COL6A3: variants seen among roughly 807,000 people sequenced by gnomAD.
The protein encoded by COL6A3 is collagen alpha-3(VI) chain.
COL6A3 carries 137 observed loss-of-function variants against 274.1 expected under a neutral mutation model. That is an observed-to-expected ratio of 0.50 (90% CI 0.44 to 0.58). The LOEUF is 0.58. Ranked by LOEUF, COL6A3 falls within the 20% of genes least tolerant of loss-of-function variation. The probability of loss-of-function intolerance (pLI) is 0.00; values close to 1 mark genes in which losing one functional copy is unlikely to be tolerated. For missense variants in COL6A3, 3,950 were observed against 4,124.9 expected (o/e 0.96, Z 1.16); for synonymous variants, 1,650 against 1,650.6 (o/e 1.00, Z 0.01).
At chr2:237,372,418 T>C in intron 8 of COL6A3, 81 bp from the exon 9 acceptor site, 1 of 1,599,030 alleles carries the variant, frequency 6.3e-7, no homozygotes, top group Admixed American at 1.7e-5. Flanking sequence ...CAGTTTGTCA[T>C]GGATTCACAG....
Position 237,407,917 on chromosome 2 carries a change from C to A in COL6A3, c.-31+6036G>T, listed in dbSNP as rs1479969515. 6.6e-6 allele frequency among the ~76,000 whole-genome samples: 1 copy of A among 152,198 alleles called. No individual in the cohort carries two copies. Among genetic ancestry groups the A allele is most frequent in the Non-Finnish European group, 1.5e-5 (1 of 68,038 alleles). On this transcript the variant is annotated intron_variant, in intron 1 of 43. Transcript: ENST00000295550. The surrounding 1 kb of genome is among the most constrained non-coding windows in gnomAD (Gnocchi z 4.3). Reference sequence around the variant, plus strand: ...ATATTGCACAAATGCCCACTCCATTCCAACTCCTTGCCACGTGACGCTGCT... The same window carrying A: ...ATATTGCACAAATGCCCACTCCATTACAACTCCTTGCCACGTGACGCTGCT...
At chr2:237,354,142 G>T (rs2077266287) in intron 24 of COL6A3, among the ~76,000 whole-genome samples, 1 of 151,664 alleles carries the variant, frequency 6.6e-6, no homozygotes, top group African/African-American at 2.4e-5. Context: ...CTCCTGAGTA[G>T]CTGGAATTAC....
intron 31 of COL6A3, among the ~76,000 whole-genome samples, chr2:237,347,385 C>A (rs967952413): frequency 6.6e-6 from 1 of 152,222 alleles, no homozygotes; most frequent in Non-Finnish European, 1.5e-5. Flanking sequence ...GTCTGAGGAG[C>A]CCATGGCCTT....
chr2:237,370,718 C>T (rs1326027624), intron 9 of COL6A3, among the ~76,000 whole-genome samples: 2 of 152,168 alleles, frequency 1.3e-5, no homozygotes, highest in African/African-American at 2.4e-5. Context: ...GGTGTAAATG[C>T]AGCATAGTGG....
chr2:237,328,463 GCATGCACCTTCC>G (rs1156974646), intron 42 of COL6A3: 4 of 152,170 alleles, frequency 2.6e-5, no homozygotes, highest in African/African-American at 9.7e-5. Context: ...CATGTGCGAT[GCATGCACCTTCC>G]CACAAGCAAT....
intron 1 of COL6A3, among the ~76,000 whole-genome samples, chr2:237,409,369 A>G (rs1559296235): frequency 6.6e-6 from 1 of 152,148 alleles, no homozygotes; most frequent in Non-Finnish European, 1.5e-5. Context: ...ATATGTATAC[A>G]TGTGCCATGT....
In COL6A3 at chr2:237,378,896, A is replaced by G. The variant is rs1559258092; in HGVS notation, c.2237T>C (p.Leu746Pro). 1 of 1,614,230 alleles carries G rather than the reference A, an allele frequency of 6.2e-7. No individual in the cohort carries two copies. Among genetic ancestry groups the G allele is most frequent in the Non-Finnish European group, 8.5e-7 (1 of 1,180,032 alleles). Residue 746 changes from leucine to proline, a missense_variant, in exon 6 of 44, where the codon CTC (leucine) becomes CCC (proline). Physicochemically the swap from Leu to Pro is moderately conservative, Grantham distance 98. Around this residue, in one of 5 missense-constraint regions of COL6A3, gnomAD observed 1,934 missense variants for 1,984.3 expected, o/e 0.97. Transcript: ENST00000295550. The stretch of plus-strand genomic sequence containing the variant: ...CTGCCCAGCTGTGAGCAGAAGCAGG[A>G]GCTGCGGCACGTGTTCACGGATCCT... ...GSRIREHVPQLLLLLTAGQSE... is the reference protein window; with the variant it reads ...GSRIREHVPQPLLLLTAGQSE...
Position 237,325,618 on chromosome 2 carries a change from A to G in COL6A3, c.9435T>C (p.Cys3145=), listed in dbSNP as rs1446752971. The change falls in exon 43 of 44, where the codon TGT becomes TGC. Residue 3145 remains cysteine (C), a synonymous_variant. Transcript: ENST00000295550. ...KSCARFWYGG[C]GGNENKFGSQ... ...ATCCAAATTTGTTTTCGTTTCCACCACAACCTCCATACCAGAATCTTGCAC... is the reference window on the plus strand; with the variant it reads ...ATCCAAATTTGTTTTCGTTTCCACCGCAACCTCCATACCAGAATCTTGCAC... The G allele has an allele frequency of 5.0e-6, 8 of 1,614,208 alleles. No homozygotes were observed. The highest frequency in any genetic ancestry group is 1.3e-5 in the African/African-American group (1 of 75,050).
At chr2:237,369,597 G>T (rs1315860140) in intron 9 of COL6A3, among the ~76,000 whole-genome samples, 2 of 152,180 alleles carry the variant, frequency 1.3e-5, no homozygotes, top group African/African-American at 2.4e-5. Flanking sequence ...GAGGCCAAAG[G>T]TTCTCGCCTT....
chr2:237,368,929 AC>A lies in COL6A3; in HGVS notation c.4533del (p.Ser1512ProfsTer3). Reference sequence around the variant, plus strand: ...AGAGCCTTGCCAGTGTTCAGTGGGGACCCCCCTCTGAGCCTCAGGCGCCGTA... The same window carrying A: ...AGAGCCTTGCCAGTGTTCAGTGGGGACCCCCTCTGAGCCTCAGGCGCCGTA... ...DAIRRLRLRG[G>X]SPLNTGKALE... On this transcript the variant is annotated frameshift_variant, in exon 10 of 44. Transcript: ENST00000295550. LOFTEE classifies it high-confidence loss of function. This position sits in a 1 kb window ranked among gnomAD's most constrained non-coding sequence, Gnocchi z 4.4. 6.2e-7 allele frequency: 1 copy of A among 1,613,422 alleles called. No individual in the cohort carries two copies. The highest frequency in any genetic ancestry group is 8.5e-7 in the Non-Finnish European group (1 of 1,179,866).
At chr2:237,355,064 G>A (rs111322892) in intron 23 of COL6A3, 130 bp from the exon 24 acceptor site, 87 of 858,336 alleles carry the variant, frequency 1.0e-4, no homozygotes, top group Non-Finnish European at 1.5e-4. Flanking sequence ...CACCCACATC[G>A]TGCCAAGAAC....
intron 25 of COL6A3, 27 bp downstream of exon 25, chr2:237,353,314 C>T: frequency 1.9e-6 from 3 of 1,606,946 alleles, no homozygotes; most frequent in Non-Finnish European, 2.6e-6. Flanking sequence ...TATCAGAGGG[C>T]ACACAGTCAC....
At position 237,387,688 on chromosome 2, in the gene COL6A3, G is replaced by A. The variant is rs1478792474; in HGVS notation, c.1206C>T (p.Val402=). ...IATDDNLVFT[V]PEFRSFGDLQ... ...GGTCCCCAAAGCTACGGAATTCCGG[G>A]ACAGTAAACACCAAGTTGTCATCGG... The change falls in exon 4 of 44, where the codon GTC becomes GTT. Residue 402 remains valine, a synonymous_variant. Coordinates refer to ENST00000295550, the MANE Select transcript of COL6A3 (RefSeq NM_004369.4). The A allele has an allele frequency of 3.7e-6, 6 of 1,614,004 alleles. No homozygotes were observed. Among genetic ancestry groups the A allele is most frequent in the Non-Finnish European group, 5.1e-6 (6 of 1,179,948 alleles).
intron 42 of COL6A3, among the ~76,000 whole-genome samples, chr2:237,332,070 CATATATATATATATATA>C (rs1700263145): frequency 5.7e-5 from 2 of 35,172 alleles, no homozygotes; most frequent in African/African-American, 1.4e-4. Context: ...TCTCTCTCTA[CATATATATATATATATA>C]TATATATATA....
rs2077603975 is a variant in COL6A3 at position 237,368,426 on chromosome 2, A to G, written c.4900+137T>C. On this transcript the variant is annotated intron_variant, in intron 10 of 43. Coordinates refer to ENST00000295550, the MANE Select transcript of COL6A3 (RefSeq NM_004369.4). This position sits in a 1 kb window ranked among gnomAD's most constrained non-coding sequence, Gnocchi z 4.4. ...GCAATTTCAATGGAACTACTTTTCCAGTATTTAATTTCTAATATTATCTGA... is the reference window on the plus strand; with the variant it reads ...GCAATTTCAATGGAACTACTTTTCCGGTATTTAATTTCTAATATTATCTGA... 1 of 1,091,798 alleles carries G rather than the reference A, an allele frequency of 9.2e-7. No individual in the cohort carries two copies. The highest frequency in any genetic ancestry group is 1.3e-6 in the Non-Finnish European group (1 of 774,866). The allele number at this position is 1,091,798 out of a possible 1,614,324, so 67.6% of individuals were successfully genotyped here. A position where few individuals can be genotyped will look rare whatever the true frequency, so the allele number is the denominator to read the frequency against.
chr2:237,345,327 G>T, intron 32 of COL6A3, 114 bp from the exon 33 acceptor site: 1 of 953,620 alleles, frequency 1.0e-6, no homozygotes, highest in Non-Finnish European at 1.7e-6. Flanking sequence ...GGATAACCTT[G>T]ATTGTTTACA....
Position 237,387,773 on chromosome 2 carries a change from A to G in COL6A3, c.1121T>C (p.Val374Ala). ...YGVVALKQAS[V>A]FSFGLGAQAA... is the part of the protein sequence containing the mutation. ...CTGGGCTCCAAGGCCGAATGAGAAC[A>G]CGCTAGCCTGCTTCAGTGCTACCAC... is the stretch of plus-strand genomic sequence containing the variant. The change falls in exon 4 of 44, where the codon GTG becomes GCG. Residue 374 changes from valine to alanine, a missense_variant. This residue lies in a region of COL6A3 where 1,934 missense variants were observed against 1,984.3 expected (regional missense o/e 0.97). Transcript: ENST00000295550. 1 of 1,614,086 alleles carries G rather than the reference A, an allele frequency of 6.2e-7. No individual in the cohort carries two copies.
In COL6A3 at chr2:237,374,853, A is replaced by T. The variant is rs761490778; in HGVS notation, c.3238T>A (p.Phe1080Ile). Residue 1080 changes from phenylalanine (F) to isoleucine (I), a missense_variant, in exon 8 of 44, where the codon TTC (phenylalanine) becomes ATC (isoleucine). Phe to Ile is a conservative substitution (Grantham distance 21). Transcript: ENST00000295550. The surrounding 1 kb of genome is among the most constrained non-coding windows in gnomAD (Gnocchi z 4.8). ...TTGTTCATGTATGAATTCAGGTAGA[A>T]CTCGGGCCTGGTCCGGTCGCTGTAC... is the stretch of plus-strand genomic sequence containing the variant. Reference protein sequence around the residue: ...VQYSDRTRPEFYLNSYMNKQD... With the variant: ...VQYSDRTRPEIYLNSYMNKQD... The T allele has an allele frequency of 1.7e-5, 27 of 1,612,860 alleles. No individual in the cohort carries two copies. Among genetic ancestry groups the T allele is most frequent in the Non-Finnish European group, 2.3e-5 (27 of 1,179,806 alleles).
At chr2:237,325,197 T>C (rs1256622456) in intron 43 of COL6A3, among the ~76,000 whole-genome samples, 1 of 152,218 alleles carries the variant, frequency 6.6e-6, no homozygotes, top group Non-Finnish European at 1.5e-5. Context: ...AACATTGTTA[T>C]TTATAGGAAG....
Sources: gnomAD v4.1 joint callset for allele counts (sites outside exome capture counted in the v4.1 genomes callset) on GRCh38, gnomAD v4.1.1 for gene constraint, gnomAD v4.1.1 regional missense constraint, Gnocchi (gnomAD v3.1) non-coding constraint, MANE v1.5 for transcripts, NCBI Gene and HGNC (gene_info 2026-07-23, HGNC 2026-07-21) for gene names.